SPAG16: variants seen among roughly 807,000 people sequenced by gnomAD.
SPAG16 encodes sperm associated antigen 16, also known as sperm-associated antigen 16 protein.
Under a neutral mutation model 80.4 loss-of-function variants are expected in SPAG16, and 86 were observed. The observed-to-expected ratio is 1.07, with a 90% CI of 0.90 to 1.28. The LOEUF is 1.28. SPAG16 is among the 50% of genes most tolerant of loss of function. SPAG16 has a pLI of 0.00. For synonymous variants in SPAG16, 294 were observed against 265.9 expected, an observed-to-expected ratio of 1.11 and a Z score of -1.03; for missense variants, 870 against 765.3, an observed-to-expected ratio of 1.14 and a Z score of -1.61.
intron 10 of SPAG16, among the ~76,000 whole-genome samples, chr2:213,580,789 AC>A (rs1348731655): frequency 6.6e-6 from 1 of 152,124 alleles, no homozygotes; most frequent in Non-Finnish European, 1.5e-5. Context: ...CATATTCCTT[AC>A]AATTTTTTAT....
At chr2:214,389,697 G>A (rs914182634) in intron 15 of SPAG16, among the ~76,000 whole-genome samples, 1 of 152,222 alleles carries the variant, frequency 6.6e-6, no homozygotes, top group African/African-American at 2.4e-5. Flanking sequence ...TAAAGGAAGA[G>A]TCCTTGCTTT....
intron 12 of SPAG16, 58 bp from the exon 13 acceptor site, chr2:214,013,893 G>T: frequency 1.3e-6 from 2 of 1,507,278 alleles, no homozygotes; most frequent in Non-Finnish European, 1.8e-6. Context: ...ATTTTTATTA[G>T]CATTGTATAG....
At chr2:213,343,240 C>T (rs1418699051) in intron 6 of SPAG16, among the ~76,000 whole-genome samples, 1 of 152,056 alleles carries the variant, frequency 6.6e-6, no homozygotes, top group Non-Finnish European at 1.5e-5. Flanking sequence ...TCACTGAATA[C>T]TCTGAGCATT....
chr2:214,259,148 G>A (rs1213920429), intron 15 of SPAG16, among the ~76,000 whole-genome samples: 1 of 150,964 alleles, frequency 6.6e-6, no homozygotes, highest in Non-Finnish European at 1.5e-5. Context: ...TTTTAATTTT[G>A]TTACTTTTTT....
At chr2:213,425,633 C>CA (rs2069866436) in intron 9 of SPAG16, among the ~76,000 whole-genome samples, 1 of 119,514 alleles carries the variant, frequency 8.4e-6, no homozygotes, top group Non-Finnish European at 1.6e-5. Context: ...GCCTGGGTGA[C>CA]AGAGCAAGAC....
intron 9 of SPAG16, among the ~76,000 whole-genome samples, chr2:213,465,740 C>T (rs2072650508): frequency 6.6e-6 from 1 of 152,208 alleles, no homozygotes. Flanking sequence ...GCTGCAACTG[C>T]CCAGAGGCAG....
At chr2:214,062,010 C>CAT (rs72042440) in intron 13 of SPAG16, among the ~76,000 whole-genome samples, 1 of 149,610 alleles carries the variant, frequency 6.7e-6, no homozygotes, top group Non-Finnish European at 1.5e-5. Flanking sequence ...CACACACACA[C>CAT]ACACACACAC....
chr2:213,398,754 A>G (rs2068168471), intron 9 of SPAG16, among the ~76,000 whole-genome samples: 1 of 152,062 alleles, frequency 6.6e-6, no homozygotes, highest in Non-Finnish European at 1.5e-5. Flanking sequence ...CTCATATGCT[A>G]TGTTGTACTT....
intron 10 of SPAG16, among the ~76,000 whole-genome samples, chr2:213,702,784 A>G (rs1423472237): frequency 6.6e-6 from 1 of 152,114 alleles, no homozygotes; most frequent in Non-Finnish European, 1.5e-5. Flanking sequence ...TTCTTTGAAA[A>G]GGCCTATTTC....
intron 13 of SPAG16, among the ~76,000 whole-genome samples, chr2:214,087,063 T>A (rs1375707411): frequency 1.3e-5 from 2 of 152,218 alleles, no homozygotes; most frequent in Non-Finnish European, 2.9e-5. Context: ...TTATGTGGTT[T>A]CTTCACTCCT....
chr2:213,967,556 T>C (rs1158598237), intron 12 of SPAG16, among the ~76,000 whole-genome samples: 2 of 152,122 alleles, frequency 1.3e-5, no homozygotes, highest in Non-Finnish European at 2.9e-5. Context: ...TAAAGTCAAT[T>C]TTAAAGAGCT....
At chr2:214,067,780 G>A (rs1055950318) in intron 13 of SPAG16, among the ~76,000 whole-genome samples, 8 of 152,098 alleles carry the variant, frequency 5.3e-5, no homozygotes, top group Admixed American at 5.2e-4. Context: ...AACGTCCTAA[G>A]TAAATGTCAT....
At chr2:213,527,779 A>T (rs4467216) in intron 10 of SPAG16, among the ~76,000 whole-genome samples, 1 of 152,222 alleles carries the variant, frequency 6.6e-6, no homozygotes, top group African/African-American at 2.4e-5. Flanking sequence ...GAGATACATG[A>T]AATATACAGA....
intron 9 of SPAG16, among the ~76,000 whole-genome samples, chr2:213,387,893 T>C (rs2067533084): frequency 6.6e-6 from 1 of 152,220 alleles, no homozygotes; most frequent in Admixed American, 6.5e-5. Context: ...ATTATAAAGA[T>C]CTAGTAAGAA....
At chr2:213,643,379 TA>T (rs1182369618) in intron 10 of SPAG16, among the ~76,000 whole-genome samples, 2 of 68,920 alleles carry the variant, frequency 2.9e-5, no homozygotes, top group African/African-American at 1.4e-4. Context: ...TATATATATA[TA>T]TATATATATA....
intron 15 of SPAG16, among the ~76,000 whole-genome samples, chr2:214,404,888 A>T (rs1383352625): frequency 1.3e-5 from 2 of 152,190 alleles, no homozygotes; most frequent in Non-Finnish European, 2.9e-5. Context: ...TTTTTAGTAC[A>T]TATTATATAT....
intron 9 of SPAG16, among the ~76,000 whole-genome samples, chr2:213,473,241 T>C (rs902192096): frequency 1.2e-4 from 18 of 152,234 alleles, no homozygotes; most frequent in African/African-American, 4.3e-4. Flanking sequence ...TTGTCTCTGC[T>C]ATCCATTACG....
At chr2:213,939,546 G>A (rs887126876) in intron 12 of SPAG16, among the ~76,000 whole-genome samples, 1 of 152,122 alleles carries the variant, frequency 6.6e-6, no homozygotes, top group African/African-American at 2.4e-5. Context: ...CTTAAAAATG[G>A]TGCCAAGCCT....
intron 13 of SPAG16, among the ~76,000 whole-genome samples, chr2:214,017,521 A>G (rs1158073247): frequency 6.6e-6 from 1 of 152,224 alleles, no homozygotes; most frequent in African/African-American, 2.4e-5. Context: ...TGTGAAAAAC[A>G]GAAGCACTAA....
Sources: gnomAD v4.1 joint callset for allele counts (sites outside exome capture counted in the v4.1 genomes callset) on GRCh38, gnomAD v4.1.1 for gene constraint, MANE v1.5 for transcripts, NCBI Gene and HGNC (gene_info 2026-07-23, HGNC 2026-07-21) for gene names.